TPP2: variants seen among roughly 807,000 people sequenced by gnomAD.
TPP2 encodes tripeptidyl peptidase 2.
In TPP2, 34 loss-of-function variants were observed where a neutral mutation model predicts 155.9. That is an observed-to-expected ratio of 0.22 (90% CI 0.17 to 0.29). The LOEUF (loss-of-function observed/expected upper bound fraction) is 0.29. TPP2 is among the 10% of genes least tolerant of loss of function. The probability of loss-of-function intolerance (pLI) is 1.00; values close to 1 mark genes in which losing one functional copy is unlikely to be tolerated. For missense variants in TPP2, 1,028 were observed against 1,522.3 expected (o/e 0.68, Z 5.40); for synonymous variants, 510 against 529.4 (o/e 0.96, Z 0.50).
chr13:102,674,660 A>G (rs918886347), intron 28 of TPP2, among the ~76,000 whole-genome samples, 170 bp downstream of exon 28: 1 of 152,214 alleles, frequency 6.6e-6, no homozygotes, highest in South Asian at 2.1e-4. Flanking sequence ...CCTTTTTTTA[A>G]AAAACATTAT....
At chr13:102,640,897 G>A (rs72651354) in intron 16 of TPP2, among the ~76,000 whole-genome samples, 10,414 of 152,030 alleles carry the variant, frequency 0.068, 445 homozygotes, top group Admixed American at 0.075. Context: ...TGATACACTC[G>A]CCTCGTCCTC....
chr13:102,634,082 T>A lies in TPP2; in HGVS notation c.1377T>A (p.Ile459=), dbSNP rs991663342. 1.9e-6 allele frequency: 3 copies of A among 1,614,004 alleles called. No homozygotes were observed. Among genetic ancestry groups the A allele is most frequent in the Non-Finnish European group, 2.5e-6 (3 of 1,179,972 alleles). ...CTTCCCCCAATGCATGTGGAGGCAT[T>A]GCCCTGATCCTTTCAGGTAAGCGTG... is the stretch of plus-strand genomic sequence containing the variant. The part of the protein sequence containing the change: ...SMSSPNACGG[I]ALILSGLKAN... The change falls in exon 11 of 30, where the codon ATT becomes ATA. Residue 459 remains isoleucine (I), a synonymous_variant. Coordinates refer to ENST00000376052, the MANE Select transcript of TPP2 (RefSeq NM_001330588.2).
At chr13:102,642,727 A>AT (rs1277677787) in intron 16 of TPP2, among the ~76,000 whole-genome samples, 2 of 152,204 alleles carry the variant, frequency 1.3e-5, no homozygotes, top group Non-Finnish European at 2.9e-5. Context: ...AAGCATAAGT[A>AT]GTCGTGCCAG....
intron 6 of TPP2, among the ~76,000 whole-genome samples, chr13:102,625,914 AT>A (rs1566335131): frequency 1.3e-5 from 2 of 152,182 alleles, no homozygotes; most frequent in African/African-American, 4.8e-5. Context: ...CTCTATATTC[AT>A]GTCTTTTAAG....
intron 3 of TPP2, among the ~76,000 whole-genome samples, chr13:102,615,831 G>A (rs114345709): frequency 9.9e-4 from 150 of 152,186 alleles, no homozygotes; most frequent in African/African-American, 3.6e-3. Flanking sequence ...TTTAAATTGG[G>A]GAATATGATA....
chr13:102,638,117 C>A, intron 14 of TPP2, 122 bp from the exon 15 acceptor site: 2 of 884,474 alleles, frequency 2.3e-6, no homozygotes, highest in Non-Finnish European at 3.5e-6. Flanking sequence ...AAATTGGTGT[C>A]AACCTCTGGT....
In TPP2 at chr13:102,629,579, T is replaced by G; in HGVS notation, c.1114T>G (p.Cys372Gly). ...NNGPCLSTVG[C>G]PGGTTSSVIG... The stretch of plus-strand genomic sequence containing the variant: ...TGGTCCATGCCTGTCTACAGTTGGT[T>G]GTCCAGGTGGAACTACATCAAGTGT... Residue 372 changes from cysteine to glycine, a missense_variant, in exon 9 of 30, where the codon TGT becomes GGT. By Grantham distance (159) the Cys-to-Gly change is radical. Around this residue, in one of 7 missense-constraint regions of TPP2, gnomAD observed 63 missense variants for 165.7 expected, o/e 0.38. Coordinates refer to ENST00000376052, the MANE Select transcript of TPP2 (RefSeq NM_001330588.2). 6.4e-7 allele frequency: 1 copy of G among 1,556,896 alleles called. No individual in the cohort carries two copies. Among genetic ancestry groups the G allele is most frequent in the Non-Finnish European group, 8.6e-7 (1 of 1,160,652 alleles).
intron 1 of TPP2, among the ~76,000 whole-genome samples, chr13:102,604,070 G>T (rs539597345): frequency 6.6e-6 from 1 of 152,152 alleles, no homozygotes. Context: ...ACAGCTGGGC[G>T]TGGGGATTCC....
intron 27 of TPP2, among the ~76,000 whole-genome samples, chr13:102,673,669 T>TG (rs1398815282): frequency 6.6e-6 from 1 of 152,234 alleles, no homozygotes; most frequent in African/African-American, 2.4e-5. Context: ...CTTAGAATCC[T>TG]GGATCTGCCA....
At chr13:102,629,704 GAC>G (rs1881886908) in intron 9 of TPP2, 95 bp downstream of exon 9, 1 of 1,434,494 alleles carries the variant, frequency 7.0e-7, no homozygotes. Flanking sequence ...CTACACGTAA[GAC>G]ACTGTACACC....
chr13:102,678,160 T>C (rs1885409122), intron 29 of TPP2, 67 bp from the exon 30 acceptor site: 1 of 1,434,328 alleles, frequency 7.0e-7, no homozygotes, highest in South Asian at 1.3e-5. Flanking sequence ...ACAGAATTTA[T>C]TCTAAATACT....
At chr13:102,635,556 T>C (rs1301651440) in intron 11 of TPP2, 31 bp from the exon 12 acceptor site, 2 of 1,549,698 alleles carry the variant, frequency 1.3e-6, no homozygotes, top group African/African-American at 2.7e-5. Context: ...TAGTGAGTGC[T>C]ACACTACTTG....
chr13:102,656,799 C>A (rs1883887234), intron 24 of TPP2, among the ~76,000 whole-genome samples: 1 of 152,100 alleles, frequency 6.6e-6, no homozygotes, highest in South Asian at 2.1e-4. Context: ...CAAATATACT[C>A]AAATGGAGAA....
chr13:102,644,914 A>T lies in TPP2; in HGVS notation c.2298A>T (p.Ala766=). ...ATTTGAGAAATCCTTTGTAGCATGC[A>T]TCGGAAGGAATCAACCGCTTTGATG... The part of the protein sequence containing the change: ...VCTAPQLNIH[A]SEGINRFDVQ... Residue 766 remains alanine (A), a synonymous_variant, in exon 19 of 30, where the codon GCA becomes GCT. Transcript: ENST00000376052. 1 of 1,613,760 alleles carries T rather than the reference A, an allele frequency of 6.2e-7. No homozygotes were observed. The highest frequency in any genetic ancestry group is 8.5e-7 in the Non-Finnish European group (1 of 1,179,818).
At position 102,640,383 on chromosome 13, in the gene TPP2, A is replaced by G; in HGVS notation, c.2020+7A>G. On this transcript the variant is annotated splice_region_variant and intron_variant, in intron 16 of 29. Coordinates refer to ENST00000376052, the MANE Select transcript of TPP2 (RefSeq NM_001330588.2). ...GAGGGTGCAACATGGGCTGGTAGGT[A>G]AAATTAAAATCTGTGTGACCGCTTA... 6.2e-7 allele frequency: 1 copy of G among 1,606,488 alleles called. No homozygotes were observed. The highest frequency in any genetic ancestry group is 8.5e-7 in the Non-Finnish European group (1 of 1,173,528).
intron 27 of TPP2, among the ~76,000 whole-genome samples, chr13:102,667,012 AG>A (rs1884651684): frequency 6.6e-6 from 1 of 152,080 alleles, no homozygotes; most frequent in South Asian, 2.1e-4. Context: ...GACTCTGACC[AG>A]GTTGTGTTTG....
Position 102,627,040 on chromosome 13 carries a change from A to T in TPP2, c.813A>T (p.Ile271=), listed in dbSNP as rs146964134. Reference sequence around the variant, plus strand: ...CTCATGGGACACATGTAGCTAGTATAGCTGCTGGACACTTTCCAGAAGAAC... The same window carrying T: ...CTCATGGGACACATGTAGCTAGTATTGCTGCTGGACACTTTCCAGAAGAAC... ...GGAHGTHVAS[I]AAGHFPEEPE... Residue 271 remains isoleucine, a synonymous_variant, in exon 7 of 30, where the codon ATA becomes ATT. Transcript: ENST00000376052. 5.0e-6 allele frequency: 8 copies of T among 1,597,990 alleles called. No homozygotes were observed. Among genetic ancestry groups the T allele is most frequent in the Non-Finnish European group, 6.8e-6 (8 of 1,172,670 alleles).
chr13:102,640,871 C>G (rs1437365508), intron 16 of TPP2, among the ~76,000 whole-genome samples: 2 of 151,936 alleles, frequency 1.3e-5, no homozygotes, highest in East Asian at 3.9e-4. Flanking sequence ...AGGATGGTCT[C>G]GATCTCTTGA....
intron 27 of TPP2, among the ~76,000 whole-genome samples, chr13:102,671,602 G>A (rs1439607777): frequency 3.3e-5 from 5 of 152,098 alleles, no homozygotes; most frequent in African/African-American, 9.7e-5. Flanking sequence ...TAAAAGTAAC[G>A]GGTTCATACA....
Sources: gnomAD v4.1 joint callset for allele counts (sites outside exome capture counted in the v4.1 genomes callset) on GRCh38, gnomAD v4.1.1 for gene constraint, gnomAD v4.1.1 regional missense constraint, MANE v1.5 for transcripts, NCBI Gene and HGNC (gene_info 2026-07-23, HGNC 2026-07-21) for gene names.